The following PDE7B variants were observed in gnomAD, a reference collection of about 807,000 sequenced individuals.
PDE7B encodes the protein phosphodiesterase 7B.
PDE7B carries 29 observed loss-of-function variants against 56.2 expected under a neutral mutation model. The ratio of observed to expected loss-of-function variants is 0.52; its 90% CI spans 0.38 to 0.70. PDE7B has a LOEUF of 0.70. Among genes scored for constraint, PDE7B ranks in the 30% least tolerant of loss-of-function variants. The pLI is 0.00. For missense variants in PDE7B, 490 were observed against 565.0 expected (o/e 0.87, Z 1.35); for synonymous variants, 197 against 196.9 (o/e 1.00, Z 0.00).
At chr6:136,006,262 G>A (rs917259461) in intron 2 of PDE7B, among the ~76,000 whole-genome samples, 1 of 149,792 alleles carries the variant, frequency 6.7e-6, no homozygotes, top group Non-Finnish European at 1.5e-5. Context: ...GCTAAATGAC[G>A]AGTTAATGGG....
At chr6:136,038,352 A>T in intron 2 of PDE7B, 1 of 1,292,018 alleles carries the variant, frequency 7.7e-7, no homozygotes, top group Non-Finnish European at 1.0e-6. Flanking sequence ...ACAGGCCCAG[A>T]AGGTGTGCTG....
intron 2 of PDE7B, among the ~76,000 whole-genome samples, chr6:136,083,650 A>T (rs1004906041): frequency 1.3e-5 from 2 of 152,226 alleles, no homozygotes; most frequent in African/African-American, 4.8e-5. Flanking sequence ...TATTTTGAAT[A>T]ACTTAAAATA....
At chr6:136,018,339 T>A (rs998626339) in intron 2 of PDE7B, among the ~76,000 whole-genome samples, 3 of 152,210 alleles carry the variant, frequency 2.0e-5, no homozygotes, top group Non-Finnish European at 4.4e-5. Flanking sequence ...ACACTGCACC[T>A]GAAAGACAGA....
intron 2 of PDE7B, among the ~76,000 whole-genome samples, chr6:136,058,250 G>GTCT (rs1314263638): frequency 6.6e-6 from 1 of 152,174 alleles, no homozygotes; most frequent in Non-Finnish European, 1.5e-5. Flanking sequence ...AGGGGTCAAG[G>GTCT]TCTTCCAGTT....
intron 3 of PDE7B, among the ~76,000 whole-genome samples, chr6:136,128,493 C>T (rs1778058446): frequency 6.6e-6 from 1 of 152,076 alleles, no homozygotes; most frequent in Non-Finnish European, 1.5e-5. Context: ...TCTTTCTCTG[C>T]TTATAAACCT....
At chr6:136,148,347 C>T (rs1414356073) in intron 4 of PDE7B, among the ~76,000 whole-genome samples, 2 of 146,302 alleles carry the variant, frequency 1.4e-5, no homozygotes, top group Non-Finnish European at 3.0e-5. Flanking sequence ...CAGAGTGAGA[C>T]CAGGTCTCAA....
chr6:135,989,078 T>A (rs1775429829), intron 2 of PDE7B, among the ~76,000 whole-genome samples: 1 of 152,234 alleles, frequency 6.6e-6, no homozygotes, highest in Non-Finnish European at 1.5e-5. Context: ...AACAATGATA[T>A]GTGTTTCAGA....
intron 9 of PDE7B, among the ~76,000 whole-genome samples, chr6:136,175,631 T>C (rs1271722962): frequency 6.6e-6 from 1 of 152,172 alleles, no homozygotes; most frequent in Non-Finnish European, 1.5e-5. Context: ...AAATTTTTTA[T>C]TTACAATAAA....
chr6:135,990,014 T>C (rs1455300286), intron 2 of PDE7B, among the ~76,000 whole-genome samples: 1 of 152,106 alleles, frequency 6.6e-6, no homozygotes, highest in Non-Finnish European at 1.5e-5. Context: ...ATATGGATTA[T>C]GTGGGGAATG....
At chr6:136,051,383 C>T (rs762759240) in intron 2 of PDE7B, among the ~76,000 whole-genome samples, 1 of 152,212 alleles carries the variant, frequency 6.6e-6, no homozygotes, top group Non-Finnish European at 1.5e-5. Context: ...CGCGAGCATC[C>T]GCGAGTTCTT....
chr6:135,995,985 G>C (rs9494434), intron 2 of PDE7B, among the ~76,000 whole-genome samples: 12,269 of 152,042 alleles, frequency 0.081, 819 homozygotes, highest in African/African-American at 0.18. Context: ...CACACACACA[G>C]AGAAGGAGAG....
chr6:136,047,463 T>G (rs1776532940), intron 2 of PDE7B: 1 of 152,224 alleles, frequency 6.6e-6, no homozygotes, highest in African/African-American at 2.4e-5. Context: ...GCTCTTCTCC[T>G]CCTTTCTTTG....
intron 2 of PDE7B, among the ~76,000 whole-genome samples, chr6:136,080,703 G>A (rs1022008284): frequency 2.6e-5 from 4 of 152,128 alleles, no homozygotes; most frequent in African/African-American, 7.2e-5. Context: ...TTTTCAATTC[G>A]TTCATTTATT....
intron 1 of PDE7B, among the ~76,000 whole-genome samples, chr6:135,935,288 T>C (rs1228271072): frequency 1.4e-5 from 2 of 142,070 alleles, no homozygotes; most frequent in African/African-American, 5.3e-5. Context: ...ACTGAAAGAA[T>C]GGAGAAATCT....
chr6:136,085,521 G>A (rs932037775), intron 2 of PDE7B, among the ~76,000 whole-genome samples: 7 of 152,148 alleles, frequency 4.6e-5, no homozygotes, highest in East Asian at 1.9e-4. Context: ...CTAATGTGCC[G>A]GAGGGGGCTG....
rs1562515565 is a variant in PDE7B, at chr6:136,181,235, G to A, written c.957G>A (p.Leu319=). The change falls in exon 11 of 13, where the codon TTG becomes TTA. Residue 319 remains leucine (L), a synonymous_variant. Coordinates refer to ENST00000308191, the MANE Select transcript of PDE7B (RefSeq NM_018945.4). Reference sequence around the variant, plus strand: ...GCCCTGTCATTTCTCAGATCGCCTTGAAGTGTGCTGACATTTGCAATCCTT... The same window carrying A: ...GCCCTGTCATTTCTCAGATCGCCTTAAAGTGTGCTGACATTTGCAATCCTT... ...QDRHFMLQIA[L]KCADICNPCR... is the part of the protein sequence containing the mutation. The A allele has an allele frequency of 6.2e-7, 1 of 1,612,806 alleles. No homozygotes were observed. The highest frequency in any genetic ancestry group is 1.3e-5 in the African/African-American group (1 of 75,024).
chr6:135,966,824 A>T (rs1166187837), intron 2 of PDE7B, among the ~76,000 whole-genome samples: 2 of 152,220 alleles, frequency 1.3e-5, no homozygotes, highest in African/African-American at 4.8e-5. Context: ...AACTCGGTGA[A>T]AAGGAGACCC....
At chr6:135,968,338 A>G (rs1775034207) in intron 2 of PDE7B, among the ~76,000 whole-genome samples, 2 of 150,024 alleles carry the variant, frequency 1.3e-5, no homozygotes, top group African/African-American at 2.5e-5. Flanking sequence ...GCTTCTCCAC[A>G]GCAAAGAAAC....
intron 2 of PDE7B, among the ~76,000 whole-genome samples, chr6:136,051,722 C>CA (rs1776632308): frequency 6.6e-6 from 1 of 152,174 alleles, no homozygotes; most frequent in Non-Finnish European, 1.5e-5. Context: ...CATCTACGGC[C>CA]ATGTAATGTC....
Sources: allele counts gnomAD v4.1 joint callset (sites outside exome capture counted in the v4.1 genomes callset), GRCh38; gene constraint gnomAD v4.1.1; transcripts MANE v1.5; gene names NCBI Gene and HGNC (gene_info 2026-07-23, HGNC 2026-07-21).